The following SMAP1 variants were observed in gnomAD, a reference collection of about 807,000 sequenced individuals.
SMAP1 encodes the protein stromal membrane-associated protein 1.
In SMAP1, 24 loss-of-function variants were observed where a neutral mutation model predicts 58.5. That is an observed-to-expected ratio of 0.41 (90% CI 0.30 to 0.58). SMAP1 has a LOEUF of 0.58. SMAP1 is among the 20% of genes least tolerant of loss of function. SMAP1 has a pLI of 0.29. For missense variants in SMAP1, 563 were observed against 566.3 expected, an observed-to-expected ratio of 0.99 and a Z score of 0.06; for synonymous variants, 216 against 196.6, an observed-to-expected ratio of 1.10 and a Z score of -0.82.
intron 1 of SMAP1, among the ~76,000 whole-genome samples, chr6:70,715,874 C>A (rs1254569797): frequency 6.8e-6 from 1 of 146,066 alleles, no homozygotes. Flanking sequence ...AGTATTTTAT[C>A]CCTCACCCGC....
intron 1 of SMAP1, among the ~76,000 whole-genome samples, chr6:70,716,447 C>G (rs944530735): frequency 2.0e-5 from 3 of 152,188 alleles, no homozygotes; most frequent in African/African-American, 7.2e-5. Flanking sequence ...ACTTGCCCAC[C>G]ACTCACCTCC....
chr6:70,861,991 TAAAAA>T lies in SMAP1; in HGVS notation c.*1665_*1669del, dbSNP rs575008239. ...CTTACAGCAAATCCTTTGTGAAAAA[TAAAAA>T]AAAAAAAGAGACTTTAAAATCCTGG... On this transcript the variant is annotated 3_prime_UTR_variant, in exon 11 of 11. Transcript: ENST00000370455. The T allele has an allele frequency of 2.0e-5, 25 of 1,222,926 alleles. No individual in the cohort carries two copies. In the East Asian group the frequency reaches 5.6e-4, roughly 28 times the overall value. 75.8% of individuals were successfully genotyped at this position (1,222,926 alleles called of 1,614,324 possible).
intron 2 of SMAP1, among the ~76,000 whole-genome samples, chr6:70,744,441 G>A (rs1765941038): frequency 6.6e-6 from 1 of 151,962 alleles, no homozygotes; most frequent in African/African-American, 2.4e-5. Flanking sequence ...TTGTATCCTT[G>A]TGATAGTTTG....
At chr6:70,854,313 T>C (rs909648997) in intron 8 of SMAP1, among the ~76,000 whole-genome samples, 2 of 152,210 alleles carry the variant, frequency 1.3e-5, no homozygotes, top group African/African-American at 4.8e-5. Flanking sequence ...CTAAACTTCA[T>C]GTAGAGATTA....
chr6:70,792,811 G>A (rs543623990), intron 5 of SMAP1, among the ~76,000 whole-genome samples: 6 of 151,922 alleles, frequency 3.9e-5, no homozygotes, highest in South Asian at 2.1e-4. Context: ...CTGAAGGCTC[G>A]GGCACTTGAG....
At chr6:70,837,668 C>CTT (rs35922889) in intron 7 of SMAP1, 78 of 422,890 alleles carry the variant, frequency 1.8e-4, no homozygotes, top group African/African-American at 1.0e-3. Context: ...CTCTCTCTCT[C>CTT]TTTTTTTTTT....
intron 6 of SMAP1, among the ~76,000 whole-genome samples, chr6:70,817,133 TATA>T (rs1562181924): frequency 3.4e-5 from 5 of 146,352 alleles, no homozygotes; most frequent in African/African-American, 1.0e-4. Flanking sequence ...TATATATATA[TATA>T]TATTTTTTTT....
At chr6:70,843,243 G>A (rs555860516) in intron 7 of SMAP1, among the ~76,000 whole-genome samples, 4 of 150,904 alleles carry the variant, frequency 2.7e-5, no homozygotes, top group African/African-American at 7.3e-5. Context: ...CTGCTGTACT[G>A]TATAGAATTG....
At chr6:70,797,837 T>A (rs770470203) in intron 5 of SMAP1, among the ~76,000 whole-genome samples, 1 of 152,092 alleles carries the variant, frequency 6.6e-6, no homozygotes, top group Non-Finnish European at 1.5e-5. Flanking sequence ...GCCAGGTTAG[T>A]GTTTAGTTGC....
At chr6:70,741,952 T>G (rs1765831161) in intron 2 of SMAP1, among the ~76,000 whole-genome samples, 1 of 152,204 alleles carries the variant, frequency 6.6e-6, no homozygotes, top group Non-Finnish European at 1.5e-5. Flanking sequence ...TGGCCCCTTT[T>G]AGCCGCAGCT....
intron 3 of SMAP1, among the ~76,000 whole-genome samples, 182 bp downstream of exon 3, chr6:70,755,247 A>G (rs1024339862): frequency 2.0e-5 from 3 of 152,020 alleles, no homozygotes; most frequent in Non-Finnish European, 4.4e-5. Flanking sequence ...GGAATTTGGC[A>G]CACAGATTAC....
rs548286917 is a variant in SMAP1 at position 70,840,950 on chromosome 6, G to A, written c.664+3922G>A. Among the ~76,000 whole-genome samples the A allele has an allele frequency of 1.1e-4, 17 of 152,234 alleles. No individual in the cohort carries two copies. The East Asian group carries it at 1.7e-3, about 16-fold the overall frequency. The stretch of plus-strand genomic sequence containing the variant: ...AGGGTTTGTGAGAAGAGTGCTCTTC[G>A]GGTCCCCTTACTTAGGAAGCTAGTT... On this transcript the variant is annotated intron_variant, in intron 7 of 10. Coordinates refer to ENST00000370455, the MANE Select transcript of SMAP1 (RefSeq NM_001044305.3).
rs947509911 is a variant in SMAP1 at position 70,831,574 on chromosome 6, A to G, written c.577-5367A>G. 8.5e-5 allele frequency among the ~76,000 whole-genome samples: 13 copies of G among 152,208 alleles called. 1 individual carries two copies. The East Asian group carries it at 1.4e-3, about 16-fold the overall frequency. ...TAGGATAATGGCCTCCAGCTCCATCAGTGTTGCTGCAGAGGACATGATCTC... is the reference window on the plus strand; with the variant it reads ...TAGGATAATGGCCTCCAGCTCCATCGGTGTTGCTGCAGAGGACATGATCTC... On this transcript the variant is annotated intron_variant, in intron 6 of 10. Coordinates refer to ENST00000370455, the MANE Select transcript of SMAP1 (RefSeq NM_001044305.3).
chr6:70,696,500 C>T (rs7775943), intron 1 of SMAP1, among the ~76,000 whole-genome samples: 12 of 152,020 alleles, frequency 7.9e-5, no homozygotes, highest in South Asian at 2.1e-4. Context: ...TCTTCATTGA[C>T]GCCTTGGCCT....
intron 2 of SMAP1, among the ~76,000 whole-genome samples, chr6:70,754,598 A>ATT (rs1182098225): frequency 1.3e-5 from 2 of 152,128 alleles, no homozygotes. Context: ...GCTCAAAAGA[A>ATT]AGAAAACTTG....
chr6:70,690,050 T>C (rs1445989677), intron 1 of SMAP1, among the ~76,000 whole-genome samples: 1 of 152,184 alleles, frequency 6.6e-6, no homozygotes, highest in African/African-American at 2.4e-5. Context: ...ATTTCCTTTT[T>C]CTTATTTTAT....
chr6:70,672,425 A>G (rs1470979583), intron 1 of SMAP1, among the ~76,000 whole-genome samples: 1 of 152,166 alleles, frequency 6.6e-6, no homozygotes, highest in Non-Finnish European at 1.5e-5. Flanking sequence ...TGTCTTTTCA[A>G]GGGAAATAAT....
At chr6:70,837,437 A>G (rs1295678849) in intron 7 of SMAP1, among the ~76,000 whole-genome samples, 1 of 152,126 alleles carries the variant, frequency 6.6e-6, no homozygotes, top group African/African-American at 2.4e-5. Flanking sequence ...ACGTTGGTTT[A>G]AAATAAAATT....
intron 1 of SMAP1, among the ~76,000 whole-genome samples, chr6:70,690,960 A>G (rs1036091472): frequency 6.6e-6 from 1 of 151,390 alleles, no homozygotes; most frequent in Non-Finnish European, 1.5e-5. Flanking sequence ...CAGTAAAGCT[A>G]TCTGGGCCTT....
Sources: gnomAD v4.1 joint callset for allele counts (sites outside exome capture counted in the v4.1 genomes callset) on GRCh38, gnomAD v4.1.1 for gene constraint, MANE v1.5 for transcripts, NCBI Gene and HGNC (gene_info 2026-07-23, HGNC 2026-07-21) for gene names.